Variants in SEMA3A observed in about 807,000 individuals in gnomAD.
The protein encoded by SEMA3A is semaphorin 3A, also known as semaphorin-3A.
Under a neutral mutation model 97.9 loss-of-function variants are expected in SEMA3A, and 29 were observed. The observed-to-expected ratio is 0.30, with a 90% CI of 0.22 to 0.40. The LOEUF (loss-of-function observed/expected upper bound fraction) is 0.40. SEMA3A is among the 10% of genes least tolerant of loss of function. The probability of loss-of-function intolerance (pLI) is 1.00; values close to 1 mark genes in which losing one functional copy is unlikely to be tolerated. For synonymous variants in SEMA3A, 321 were observed against 323.7 expected, an observed-to-expected ratio of 0.99 and a Z score of 0.09; for missense variants, 763 against 951.3, an observed-to-expected ratio of 0.80 and a Z score of 2.60.
intron 9 of SEMA3A, among the ~76,000 whole-genome samples, chr7:84,008,559 T>C (rs1377311534): frequency 1.3e-5 from 2 of 151,052 alleles, no homozygotes; most frequent in African/African-American, 4.9e-5. Context: ...GTGGCTTGAG[T>C]AATGTATTTA....
At chr7:83,989,082 A>G (rs945561444) in intron 12 of SEMA3A, among the ~76,000 whole-genome samples, 1 of 152,128 alleles carries the variant, frequency 6.6e-6, no homozygotes, top group Admixed American at 6.5e-5. Flanking sequence ...CATTCCAACA[A>G]TTTCACATGA....
chr7:84,178,190 G>A (rs192614782), intron 1 of SEMA3A, among the ~76,000 whole-genome samples: 1 of 152,024 alleles, frequency 6.6e-6, no homozygotes, highest in African/African-American at 2.4e-5. Flanking sequence ...TACTTGTCTT[G>A]TTCCTTCGAT....
In SEMA3A at chr7:84,130,491, T is replaced by C. The variant is rs112826918; in HGVS notation, c.271-1306A>G. Among the ~76,000 whole-genome samples the C allele has an allele frequency of 1.0e-3, 153 of 152,298 alleles. 1 individual carries two copies. The highest frequency in any genetic ancestry group is 3.4e-3 in the Middle Eastern group (1 of 294). ...AAATTTGAGTATTCTTTCTATCTTATGTGCTTTCCTTTTCACATTTGCCTG... is the reference window on the plus strand; with the variant it reads ...AAATTTGAGTATTCTTTCTATCTTACGTGCTTTCCTTTTCACATTTGCCTG... On this transcript the variant is annotated intron_variant, in intron 2 of 16. Transcript: ENST00000265362.
At chr7:84,289,227 C>T (rs1800677214) in intron 3 of SEMA3A, among the ~76,000 whole-genome samples, 1 of 151,874 alleles carries the variant, frequency 6.6e-6, no homozygotes, top group African/African-American at 2.4e-5. Context: ...GGCGGGAGGA[C>T]AGGATAGGGA....
intron 12 of SEMA3A, among the ~76,000 whole-genome samples, chr7:83,992,064 G>A (rs1438079035): frequency 2.8e-4 from 37 of 133,498 alleles, no homozygotes; most frequent in South Asian, 1.3e-3. Context: ...TGTATGTGTC[G>A]AGGAATTTAT....
rs529387258 is a variant in SEMA3A, at chr7:83,974,218, T to C, written c.1717+2914A>G. ...CCACCGGCGACAGAGGAGAGTATCC[T>C]GGGATCAAGAGGAGGTGTAGCTGGA... On this transcript the variant is annotated intron_variant, in intron 15 of 16. Transcript: ENST00000265362. 5.3e-5 allele frequency among the ~76,000 whole-genome samples: 8 copies of C among 152,212 alleles called. No homozygotes were observed. In the South Asian group the frequency reaches 1.0e-3, roughly 20 times the overall value.
chr7:84,285,925 A>G (rs897745152), intron 3 of SEMA3A, among the ~76,000 whole-genome samples: 3 of 148,254 alleles, frequency 2.0e-5, no homozygotes, highest in Non-Finnish European at 4.5e-5. Flanking sequence ...GTGAGACATG[A>G]TCGACTGCAC....
At chr7:84,125,301 T>C (rs903379501) in intron 3 of SEMA3A, among the ~76,000 whole-genome samples, 47 of 152,236 alleles carry the variant, frequency 3.1e-4, no homozygotes, top group Non-Finnish European at 3.1e-4. Flanking sequence ...GAATCTTTAT[T>C]ACAAGGTGCT....
intron 1 of SEMA3A, among the ~76,000 whole-genome samples, chr7:84,171,708 T>TATTAATCAAGAA (rs1000816777): frequency 1.7e-4 from 26 of 152,232 alleles, no homozygotes; most frequent in African/African-American, 6.3e-4. Context: ...AATGTAAAAA[T>TATTAATCAAGAA]ATTAATCAAG....
At chr7:84,179,328 G>A (rs1389330957) in intron 1 of SEMA3A, among the ~76,000 whole-genome samples, 1 of 152,082 alleles carries the variant, frequency 6.6e-6, no homozygotes, top group Non-Finnish European at 1.5e-5. Flanking sequence ...TTCCGTATGA[G>A]GTTAAATTAA....
At chr7:84,084,747 A>C (rs1794278139) in intron 4 of SEMA3A, among the ~76,000 whole-genome samples, 1 of 152,118 alleles carries the variant, frequency 6.6e-6, no homozygotes, top group Non-Finnish European at 1.5e-5. Context: ...TCTTTTAAAA[A>C]ACGCAAAGCA....
chr7:83,995,721 C>CTT (rs3074684), intron 12 of SEMA3A, among the ~76,000 whole-genome samples: 125,072 of 151,930 alleles, frequency 0.82, 52,161 homozygotes, highest in African/African-American at 0.95. Flanking sequence ...AAAATTAAAA[C>CTT]AGCATCTTTT....
intron 2 of SEMA3A, among the ~76,000 whole-genome samples, chr7:84,309,170 T>A (rs1801250021): frequency 6.6e-6 from 1 of 152,022 alleles, no homozygotes; most frequent in African/African-American, 2.4e-5. Flanking sequence ...TCAGGCTTCA[T>A]TTGGGGTGGT....
At chr7:84,052,874 A>G (rs1182396645) in intron 5 of SEMA3A, among the ~76,000 whole-genome samples, 3 of 151,300 alleles carry the variant, frequency 2.0e-5, no homozygotes, top group Admixed American at 6.6e-5. Flanking sequence ...CCCTCTACAC[A>G]TCACTTTGAA....
At chr7:84,031,006 T>TTG (rs1304127797) in intron 6 of SEMA3A, among the ~76,000 whole-genome samples, 15 of 146,932 alleles carry the variant, frequency 1.0e-4, no homozygotes, top group African/African-American at 3.3e-4. Context: ...TTTTTTTTTT[T>TTG]TTTTTGAGAC....
chr7:84,355,982 T>C (rs1481713649), intron 2 of SEMA3A, among the ~76,000 whole-genome samples: 1 of 151,964 alleles, frequency 6.6e-6, no homozygotes, highest in Non-Finnish European at 1.5e-5. Flanking sequence ...AGGAAATATC[T>C]TGGAAAAATT....
chr7:84,394,938 C>T (rs1030792891), intron 1 of SEMA3A, among the ~76,000 whole-genome samples: 1 of 152,046 alleles, frequency 6.6e-6, no homozygotes, highest in Non-Finnish European at 1.5e-5. Flanking sequence ...AACTTTTACC[C>T]TTTGTTAAGG....
chr7:84,462,070 ATT>A (rs899642739), intron 1 of SEMA3A, among the ~76,000 whole-genome samples: 13 of 152,130 alleles, frequency 8.5e-5, no homozygotes, highest in Non-Finnish European at 2.9e-5. Context: ...GCCAATATAT[ATT>A]AATAATTTCT....
chr7:84,407,311 C>A lies in SEMA3A; in HGVS notation c.-245-35411G>T, dbSNP rs1343872241. ...ATTCACAATTGCTTCAAAGAGAATACAATGCCTAGGAATACAACTTACAAG... is the reference window on the plus strand; with the variant it reads ...ATTCACAATTGCTTCAAAGAGAATAAAATGCCTAGGAATACAACTTACAAG... On this transcript the variant is annotated intron_variant, in intron 1 of 3. Transcript: ENST00000424555. Among the ~76,000 whole-genome samples the A allele has an allele frequency of 5.9e-5, 9 of 152,028 alleles. No individual in the cohort carries two copies. In the South Asian group the frequency reaches 1.0e-3, roughly 17 times the overall value.
Sources: allele counts gnomAD v4.1 joint callset (sites outside exome capture counted in the v4.1 genomes callset), GRCh38; gene constraint gnomAD v4.1.1; transcripts MANE v1.5; gene names NCBI Gene and HGNC (gene_info 2026-07-23, HGNC 2026-07-21).